IFT80: variants seen among roughly 807,000 people sequenced by gnomAD.
The protein encoded by IFT80 is intraflagellar transport 80.
In IFT80, 79 loss-of-function variants were observed where a neutral mutation model predicts 107.9. The observed-to-expected ratio is 0.73, with a 90% confidence interval of 0.61 to 0.88. IFT80 has a LOEUF of 0.88. Among genes scored for constraint, IFT80 ranks in the 40% least tolerant of loss-of-function variants. IFT80 has a pLI of 0.00. For missense variants in IFT80, 797 were observed against 914.2 expected (o/e 0.87, Z 1.65); for synonymous variants, 299 against 300.9 (o/e 0.99, Z 0.07).
At chr3:160,391,629 C>T (rs552980720) in intron 1 of IFT80, 1 of 152,118 alleles carries the variant, frequency 6.6e-6, no homozygotes. Flanking sequence ...CGAGATCACA[C>T]CACTGCACTC....
Position 160,381,515 on chromosome 3 carries a change from T to G in IFT80, c.247A>C (p.Thr83Pro). The change falls in exon 3 of 20, where the codon ACA (threonine) becomes CCA (proline). Residue 83 changes from threonine (T) to proline (P), a missense_variant. By Grantham distance (38) the Thr-to-Pro change is conservative (BLOSUM62 -1). Transcript: ENST00000326448. ...KQTQAESFVL[T>P]SSDGKFHLIS... ...ATTTAAAACTTACCATCAGAACTTGTGAGGACAAAGCTTTCTGCCTGGGTT... is the reference window on the plus strand; with the variant it reads ...ATTTAAAACTTACCATCAGAACTTGGGAGGACAAAGCTTTCTGCCTGGGTT... 1.2e-6 allele frequency: 2 copies of G among 1,612,944 alleles called. No homozygotes were observed. The highest frequency in any genetic ancestry group is 1.3e-5 in the African/African-American group (1 of 75,016).
rs138004478 is a variant in IFT80, at chr3:160,356,069, C to G, written c.721G>C (p.Gly241Arg). The change falls in exon 8 of 20, where the codon GGA becomes CGA. Residue 241 changes from glycine to arginine, a missense_variant. Transcript: ENST00000326448. The part of the protein sequence containing the change: ...PITSVAWAPD[G>R]ELFAVGSFHT... ...AACGATCCAACAGCAAATAATTCTC[C>G]ATCTGGAGCCCAGGCAACTGAAGTA... The G allele has an allele frequency of 7.3e-5, 118 of 1,614,156 alleles. No homozygotes were observed. The African/African-American group carries it at 1.4e-3, about 19-fold the overall frequency.
intron 12 of IFT80, chr3:160,299,405 G>A (rs1190022027): frequency 5.1e-6 from 1 of 195,382 alleles, no homozygotes; most frequent in Non-Finnish European, 9.9e-6. Flanking sequence ...GTCTTCCGTG[G>A]TGTGAACTAA....
At chr3:160,271,775 C>T (rs1713829411) in intron 18 of IFT80, among the ~76,000 whole-genome samples, 1 of 152,036 alleles carries the variant, frequency 6.6e-6, no homozygotes, top group Non-Finnish European at 1.5e-5. Flanking sequence ...TAGCATCTAA[C>T]AAATTCTATC....
chr3:160,289,633 A>T (rs1715375466), intron 12 of IFT80, among the ~76,000 whole-genome samples: 1 of 152,244 alleles, frequency 6.6e-6, no homozygotes, highest in African/African-American at 2.4e-5. Flanking sequence ...GTGCCCCAAC[A>T]TTTAAGAGTG....
intron 6 of IFT80, among the ~76,000 whole-genome samples, chr3:160,359,347 G>A (rs1721328206): frequency 1.3e-5 from 2 of 152,132 alleles, no homozygotes; most frequent in South Asian, 4.1e-4. Context: ...CCTAATTACA[G>A]GTATCTAAAC....
chr3:160,323,297 C>G (rs1225369201), intron 8 of IFT80, among the ~76,000 whole-genome samples: 2 of 149,642 alleles, frequency 1.3e-5, no homozygotes, highest in Admixed American at 1.3e-4. Context: ...ATAGGGAATC[C>G]TTTCCCCATT....
intron 19 of IFT80, among the ~76,000 whole-genome samples, chr3:160,260,121 A>G (rs1183495398): frequency 6.6e-6 from 1 of 152,168 alleles, no homozygotes; most frequent in African/African-American, 2.4e-5. Context: ...CAATTTGTAA[A>G]TATTTTGGCT....
chr3:160,279,448 G>T, intron 15 of IFT80, 84 bp from the exon 16 acceptor site: 1 of 1,057,092 alleles, frequency 9.5e-7, no homozygotes, highest in Non-Finnish European at 1.4e-6. Flanking sequence ...GGAGTGGACC[G>T]TGAAATACAC....
chr3:160,303,824 T>A (rs1716620039), intron 11 of IFT80, 91 bp downstream of exon 11: 3 of 805,010 alleles, frequency 3.7e-6, no homozygotes, highest in Admixed American at 1.8e-5. Context: ...ATGACTAGTA[T>A]ACCATTCTTT....
chr3:160,267,051 T>A (rs1055517485), intron 19 of IFT80, among the ~76,000 whole-genome samples: 1 of 152,010 alleles, frequency 6.6e-6, no homozygotes, highest in Non-Finnish European at 1.5e-5. Flanking sequence ...CAAAAAAAGG[T>A]TTGTGGAGCT....
At chr3:160,321,556 C>A (rs1458821374) in intron 8 of IFT80, among the ~76,000 whole-genome samples, 1 of 151,870 alleles carries the variant, frequency 6.6e-6, no homozygotes, top group East Asian at 1.9e-4. Flanking sequence ...GTGCTAAAAC[C>A]TATGCATCCT....
At chr3:160,325,958 CGTTAA>C (rs953330659) in intron 8 of IFT80, among the ~76,000 whole-genome samples, 3 of 151,658 alleles carry the variant, frequency 2.0e-5, no homozygotes, top group Non-Finnish European at 4.4e-5. Flanking sequence ...GTGATAGTAA[CGTTAA>C]ATTAAATTCT....
chr3:160,338,740 T>G (rs1396876908), intron 8 of IFT80, among the ~76,000 whole-genome samples: 1 of 152,172 alleles, frequency 6.6e-6, no homozygotes, highest in Non-Finnish European at 1.5e-5. Context: ...TGGACCTTAC[T>G]GACCACTGAT....
intron 1 of IFT80, among the ~76,000 whole-genome samples, chr3:160,398,220 A>C (rs1213912759): frequency 6.6e-6 from 1 of 152,206 alleles, no homozygotes; most frequent in Non-Finnish European, 1.5e-5. Flanking sequence ...CAACCTCACC[A>C]AATTCTTACA....
intron 10 of IFT80, among the ~76,000 whole-genome samples, chr3:160,305,035 C>T (rs115560224): frequency 0.016 from 2,444 of 152,246 alleles, 38 homozygotes; most frequent in Middle Eastern, 0.041. Context: ...ACAAACAGAT[C>T]ATTTTGTTTT....
chr3:160,381,571 CAG>C lies in IFT80; in HGVS notation c.189_190del (p.His63GlnfsTer23), dbSNP rs1294285954. On this transcript the variant is annotated frameshift_variant, in exon 3 of 20. Coordinates refer to ENST00000326448, the MANE Select transcript of IFT80 (RefSeq NM_020800.3). LOFTEE classifies it high-confidence loss of function. ...CTTTACACCCAAACTTTTTGGAAACCAGTGAAAATCAATAGGGTAAATATCAT... is the reference window on the plus strand; with the variant it reads ...CTTTACACCCAAACTTTTTGGAAACCTGAAAATCAATAGGGTAAATATCAT... 1.9e-6 allele frequency: 3 copies of C among 1,613,620 alleles called. No individual in the cohort carries two copies. Among genetic ancestry groups the C allele is most frequent in the Non-Finnish European group, 2.5e-6 (3 of 1,179,924 alleles).
chr3:160,330,994 C>T (rs1423782823), intron 8 of IFT80, among the ~76,000 whole-genome samples: 1 of 152,106 alleles, frequency 6.6e-6, no homozygotes, highest in Admixed American at 6.6e-5. Context: ...TTTATTTTTC[C>T]TCCTTCACAA....
chr3:160,350,234 G>A (rs1408004044), intron 8 of IFT80, among the ~76,000 whole-genome samples: 1 of 151,570 alleles, frequency 6.6e-6, no homozygotes, highest in African/African-American at 2.4e-5. Context: ...GGGCAATATG[G>A]TGAAACCCCG....
Sources: gnomAD v4.1 joint callset for allele counts (sites outside exome capture counted in the v4.1 genomes callset) on GRCh38, gnomAD v4.1.1 for gene constraint, MANE v1.5 for transcripts, NCBI Gene and HGNC (gene_info 2026-07-23, HGNC 2026-07-21) for gene names.